BTAF1: variants seen among roughly 807,000 people sequenced by gnomAD.
The protein encoded by BTAF1 is B-TFIID TATA-box binding protein associated factor 1.
A neutral mutation model predicts 227.1 loss-of-function variants in BTAF1; 38 were observed. That is an observed-to-expected ratio of 0.17 (90% CI 0.13 to 0.22). The LOEUF is 0.22. Ranked by LOEUF, BTAF1 falls within the 10% of genes least tolerant of loss-of-function variation. The pLI, the probability that BTAF1 is intolerant of heterozygous loss-of-function variation, is 1.00. For synonymous variants in BTAF1, 742 were observed against 751.9 expected, an observed-to-expected ratio of 0.99 and a Z score of 0.21; for missense variants, 1,598 against 2,204.0, an observed-to-expected ratio of 0.73 and a Z score of 5.51.
Position 91,992,308 on chromosome 10 carries a change from A to T in BTAF1, c.3044A>T (p.Glu1015Val). 1 of 1,562,074 alleles carries T rather than the reference A, an allele frequency of 6.4e-7. No individual in the cohort carries two copies. The highest frequency in any genetic ancestry group is 8.6e-7 in the Non-Finnish European group (1 of 1,158,472). The change falls in exon 21 of 38, where the codon GAG becomes GTG. Residue 1015 changes from glutamate (E) to valine (V), a missense_variant and splice_region_variant. This residue lies in a region of BTAF1 where 425 missense variants were observed against 491.2 expected (regional missense o/e 0.87). Transcript: ENST00000265990. The part of the protein sequence containing the change: ...SSGNILVELD[E>V]AQKPYLVQRR... ...GGAAATATTCTTGTTGAACTTGATG[A>T]GGTAAGTAGTTTTTTTTTTTTTTTA...
chr10:91,987,125 T>A (rs1046791044), intron 19 of BTAF1, among the ~76,000 whole-genome samples: 1 of 151,770 alleles, frequency 6.6e-6, no homozygotes. Context: ...TTTTTTTTTT[T>A]TTTTTGACAA....
At chr10:92,024,732 G>GTTTTTTTATT (rs66512665) in intron 34 of BTAF1, 24 bp from the exon 35 acceptor site, 14 of 1,268,012 alleles carry the variant, frequency 1.1e-5, no homozygotes, top group African/African-American at 1.6e-5. Flanking sequence ...CGCTTATGTA[G>GTTTTTTTATT]TTTTTTTTTT....
chr10:92,015,873 C>T (rs1274764228), intron 32 of BTAF1, among the ~76,000 whole-genome samples: 1 of 152,126 alleles, frequency 6.6e-6, no homozygotes, highest in Non-Finnish European at 1.5e-5. Context: ...ATATGTTCCC[C>T]TTTTAGGCTA....
intron 14 of BTAF1, among the ~76,000 whole-genome samples, chr10:91,976,974 A>G (rs181558116): frequency 1.3e-5 from 2 of 152,330 alleles, no homozygotes; most frequent in East Asian, 3.9e-4. Flanking sequence ...TGGGTGATGG[A>G]CAGGGAAGGC....
At chr10:91,964,023 T>G in intron 12 of BTAF1, 54 bp from the exon 13 acceptor site, 1 of 1,600,052 alleles carries the variant, frequency 6.2e-7, no homozygotes, top group East Asian at 2.2e-5. Flanking sequence ...TTTGGCAGGG[T>G]TTGTGAGTAT....
At chr10:91,990,149 C>T (rs1848641373) in intron 20 of BTAF1, among the ~76,000 whole-genome samples, 6 of 152,196 alleles carry the variant, frequency 3.9e-5, no homozygotes, top group Admixed American at 3.3e-4. Context: ...GTGTTTTATT[C>T]ATATGACTCA....
In BTAF1 at chr10:91,966,668, C is replaced by T. The variant is rs1234404440; in HGVS notation, c.1561C>T (p.Arg521Cys). ...IQQSLTVLVP[R>C]VWPFLHHTIS... is the part of the protein sequence containing the mutation. The stretch of plus-strand genomic sequence containing the variant: ...GCAGTCACTGACAGTTTTAGTTCCA[C>T]GTGTCTGGCCTTTTTTGCATCACAC... Residue 521 changes from arginine (R) to cysteine (C), a missense_variant, in exon 14 of 38, where the codon CGT becomes TGT. Physicochemically the swap from Arg to Cys is radical, Grantham distance 180. Coordinates refer to ENST00000265990, the MANE Select transcript of BTAF1 (RefSeq NM_003972.3). 1.9e-6 allele frequency: 3 copies of T among 1,613,800 alleles called. No homozygotes were observed. Among genetic ancestry groups the T allele is most frequent in the Non-Finnish European group, 1.7e-6 (2 of 1,179,844 alleles).
At chr10:92,015,693 A>G (rs1163311754) in intron 32 of BTAF1, among the ~76,000 whole-genome samples, 2 of 152,224 alleles carry the variant, frequency 1.3e-5, no homozygotes, top group African/African-American at 4.8e-5. Flanking sequence ...TAATCAATCT[A>G]GAGAAAGCGA....
intron 25 of BTAF1, 27 bp from the exon 26 acceptor site, chr10:92,008,096 T>C (rs1449857548): frequency 6.4e-7 from 1 of 1,555,092 alleles, no homozygotes; most frequent in Non-Finnish European, 8.6e-7. Flanking sequence ...TACGTAGTTT[T>C]TAATAACTTT....
intron 7 of BTAF1, 145 bp from the exon 8 acceptor site, chr10:91,957,080 A>C (rs963508200): frequency 5.7e-6 from 3 of 526,046 alleles, no homozygotes; most frequent in South Asian, 6.5e-5. Flanking sequence ...ATCAGTAAAA[A>C]TATATCTTAA....
In BTAF1 at chr10:91,993,828, A is replaced by G. The variant is rs1848966935; in HGVS notation, c.3180A>G (p.Thr1060=). 3 of 1,595,960 alleles carry G rather than the reference A, an allele frequency of 1.9e-6. No homozygotes were observed. In the African/African-American group the frequency reaches 4.0e-5, roughly 21 times the overall value. ...WDAMVGPLRN[T]IDINNFDGKS... ...CTATGGTTGGCCCATTGAGGAATACAATCGACATAAATAATTTTGGTATAC... is the reference window on the plus strand; with the variant it reads ...CTATGGTTGGCCCATTGAGGAATACGATCGACATAAATAATTTTGGTATAC... Residue 1060 remains threonine, a synonymous_variant, in exon 22 of 38, where the codon ACA becomes ACG. Transcript: ENST00000265990.
chr10:91,953,758 A>G lies in BTAF1; in HGVS notation c.586A>G (p.Ile196Val). The change falls in exon 6 of 38, where the codon ATT (isoleucine) becomes GTT (valine). Residue 196 changes from isoleucine (I) to valine (V), a missense_variant. Physicochemically the swap from Ile to Val is conservative, Grantham distance 29. Transcript: ENST00000265990. ...TTAGACTCTTCAGGCAGCTGAATTG[A>G]TTGACTCAGAGTTTCGAGCAGGAAT... ...KQPTLQAAELIDSEFRAGMSN... is the reference protein window; with the variant it reads ...KQPTLQAAELVDSEFRAGMSN... 3 of 1,613,980 alleles carry G rather than the reference A, an allele frequency of 1.9e-6. No homozygotes were observed. Among genetic ancestry groups the G allele is most frequent in the Non-Finnish European group, 1.7e-6 (2 of 1,179,940 alleles).
chr10:92,012,427 T>G, intron 30 of BTAF1, among the ~76,000 whole-genome samples: 1 of 144,528 alleles, frequency 6.9e-6, no homozygotes, highest in Non-Finnish European at 1.5e-5. Flanking sequence ...CACTGCAGAT[T>G]CTAATAACCG....
intron 8 of BTAF1, among the ~76,000 whole-genome samples, chr10:91,957,895 C>A (rs1482333176): frequency 6.6e-6 from 1 of 152,126 alleles, no homozygotes; most frequent in Non-Finnish European, 1.5e-5. Flanking sequence ...TGTTCTTTTC[C>A]TTTCCTGATG....
chr10:91,962,817 A>G (rs1275245993), intron 12 of BTAF1, 139 bp downstream of exon 12: 2 of 634,160 alleles, frequency 3.2e-6, no homozygotes, highest in East Asian at 6.0e-5. Context: ...GATGCATGCA[A>G]TCTTGATTAT....
At chr10:92,005,138 T>TG (rs1849794282) in intron 25 of BTAF1, among the ~76,000 whole-genome samples, 1 of 152,334 alleles carries the variant, frequency 6.6e-6, no homozygotes, top group East Asian at 1.9e-4. Context: ...ATTATACCTT[T>TG]GTAGTATATT....
intron 4 of BTAF1, among the ~76,000 whole-genome samples, chr10:91,945,041 G>C (rs1306621520): frequency 6.6e-6 from 1 of 152,108 alleles, no homozygotes; most frequent in Non-Finnish European, 1.5e-5. Context: ...TTATGATCTA[G>C]GTTTCTGTAA....
At chr10:92,023,241 T>C (rs1054119013) in intron 34 of BTAF1, among the ~76,000 whole-genome samples, 4 of 152,328 alleles carry the variant, frequency 2.6e-5, no homozygotes, top group Admixed American at 2.6e-4. Context: ...GAGGACTTTC[T>C]GAGGAAAACA....
chr10:91,958,369 T>C (rs1291058269), intron 8 of BTAF1, among the ~76,000 whole-genome samples: 2 of 152,056 alleles, frequency 1.3e-5, no homozygotes, highest in African/African-American at 2.4e-5. Flanking sequence ...AGCTTAGTTT[T>C]GATGCACATA....
Sources: gnomAD v4.1 joint callset for allele counts (sites outside exome capture counted in the v4.1 genomes callset) on GRCh38, gnomAD v4.1.1 for gene constraint, gnomAD v4.1.1 regional missense constraint, MANE v1.5 for transcripts, NCBI Gene and HGNC (gene_info 2026-07-23, HGNC 2026-07-21) for gene names.